The following GPATCH2 variants were observed in gnomAD, a reference collection of about 807,000 sequenced individuals.
GPATCH2 encodes the protein G patch domain-containing protein 2.
A neutral mutation model predicts 58.0 loss-of-function variants in GPATCH2; 51 were observed. The ratio of observed to expected loss-of-function variants is 0.88; its 90% CI spans 0.70 to 1.11. The LOEUF (loss-of-function observed/expected upper bound fraction) is 1.11. Ranked by LOEUF, GPATCH2 falls within the 50% of genes most tolerant of loss-of-function variation. The pLI is 0.00. For synonymous variants in GPATCH2, 222 were observed against 218.5 expected (o/e 1.02, Z -0.14); for missense variants, 625 against 652.2 (o/e 0.96, Z 0.45).
At chr1:217,442,011 T>C (rs1659167485) in intron 9 of GPATCH2, among the ~76,000 whole-genome samples, 2 of 152,174 alleles carry the variant, frequency 1.3e-5, no homozygotes. Context: ...CAAAGGAATA[T>C]AAATCATTCT....
intron 5 of GPATCH2, among the ~76,000 whole-genome samples, chr1:217,595,869 G>C (rs911715143): frequency 6.6e-6 from 1 of 152,052 alleles, no homozygotes. Flanking sequence ...CTATAAACGT[G>C]CTCCTTAGAA....
chr1:217,623,178 G>C (rs895466060), intron 1 of GPATCH2, among the ~76,000 whole-genome samples: 11 of 151,966 alleles, frequency 7.2e-5, no homozygotes, highest in Non-Finnish European at 1.5e-4. Flanking sequence ...TCTGGTTCTG[G>C]AGTAACTTAC....
intron 8 of GPATCH2, among the ~76,000 whole-genome samples, chr1:217,469,034 C>T (rs1660603163): frequency 1.3e-5 from 2 of 152,188 alleles, no homozygotes; most frequent in South Asian, 2.1e-4. Context: ...ATGAAAGAGA[C>T]TCTTCATAAT....
At chr1:217,599,133 G>T (rs1342202288) in intron 5 of GPATCH2, among the ~76,000 whole-genome samples, 2 of 152,142 alleles carry the variant, frequency 1.3e-5, no homozygotes, top group Admixed American at 6.5e-5. Context: ...AAGAGTGGGG[G>T]CACTGAGAAC....
chr1:217,555,347 A>C (rs1665568007), intron 5 of GPATCH2, among the ~76,000 whole-genome samples: 1 of 152,126 alleles, frequency 6.6e-6, no homozygotes. Context: ...TCTAAGTGGG[A>C]AGTTTCTGTC....
intron 5 of GPATCH2, among the ~76,000 whole-genome samples, chr1:217,545,315 T>G (rs1179252697): frequency 6.6e-6 from 1 of 152,182 alleles, no homozygotes; most frequent in South Asian, 2.1e-4. Context: ...GTTCCGTCAA[T>G]GGACAAGCAC....
chr1:217,602,631 C>A (rs1189666948), intron 5 of GPATCH2, among the ~76,000 whole-genome samples: 1 of 152,010 alleles, frequency 6.6e-6, no homozygotes, highest in Admixed American at 6.6e-5. Flanking sequence ...TGAAACAGAG[C>A]AAGCAAGCAG....
At chr1:217,443,698 CA>C (rs1327112270) in intron 9 of GPATCH2, among the ~76,000 whole-genome samples, 1 of 151,998 alleles carries the variant, frequency 6.6e-6, no homozygotes, top group Non-Finnish European at 1.5e-5. Context: ...TTTATATTTT[CA>C]ATCATTTTAT....
intron 8 of GPATCH2, among the ~76,000 whole-genome samples, chr1:217,476,235 A>AGTGTGT (rs60995546): frequency 0.018 from 2,648 of 146,370 alleles, 79 homozygotes; most frequent in African/African-American, 0.063. Flanking sequence ...TCCAGATATG[A>AGTGTGT]GTGTGTGTGT....
At chr1:217,593,980 A>C (rs934674721) in intron 5 of GPATCH2, among the ~76,000 whole-genome samples, 1 of 152,142 alleles carries the variant, frequency 6.6e-6, no homozygotes, top group Non-Finnish European at 1.5e-5. Flanking sequence ...ATGAATCTTA[A>C]GGAGTATGCA....
chr1:217,619,727 T>G, intron 2 of GPATCH2, 56 bp downstream of exon 2: 1 of 631,398 alleles, frequency 1.6e-6, no homozygotes, highest in Non-Finnish European at 2.6e-6. Context: ...ATATAAAACA[T>G]TCAACCACAA....
At chr1:217,470,150 A>T (rs775960647) in intron 8 of GPATCH2, among the ~76,000 whole-genome samples, 1 of 152,162 alleles carries the variant, frequency 6.6e-6, no homozygotes, top group Non-Finnish European at 1.5e-5. Context: ...TAATCACAGG[A>T]CCAATTTGGA....
chr1:217,498,170 C>G (rs759558947), intron 7 of GPATCH2, 186 bp downstream of exon 7: 6 of 696,998 alleles, frequency 8.6e-6, no homozygotes, highest in African/African-American at 3.5e-5. Flanking sequence ...AAAGAAAACT[C>G]TCATGCTGAT....
At chr1:217,613,008 G>C (rs1198249148) in intron 3 of GPATCH2, among the ~76,000 whole-genome samples, 1 of 152,010 alleles carries the variant, frequency 6.6e-6, no homozygotes, top group Middle Eastern at 3.4e-3. Flanking sequence ...AGATTGACAG[G>C]CTTGTCAAAG....
Position 217,430,919 on chromosome 1 carries a change from GGAAATTACT to G in GPATCH2, c.*217_*225del. 1.8e-6 allele frequency: 1 copy of G among 561,820 alleles called. No homozygotes were observed. The highest frequency in any genetic ancestry group is 3.2e-6 in the Non-Finnish European group (1 of 316,420). 34.8% of individuals were successfully genotyped at this position (561,820 alleles called of 1,614,324 possible). A position where few individuals can be genotyped will look rare whatever the true frequency, so the allele number is the denominator to read the frequency against. On this transcript the variant is annotated 3_prime_UTR_variant, in exon 10 of 10. Coordinates refer to ENST00000366935, the MANE Select transcript of GPATCH2 (RefSeq NM_018040.5). ...CTGCTCTTTATACCTAGAAATAGCT[GGAAATTACT>G]GAAAAAAATTAAAGTGCAGAGGTTT...
intron 5 of GPATCH2, among the ~76,000 whole-genome samples, chr1:217,521,358 C>CAAAAAAAAAAAAAAAA (rs35333815): frequency 3.0e-5 from 3 of 101,168 alleles, no homozygotes; most frequent in African/African-American, 1.3e-4. Flanking sequence ...AGGGAGACTG[C>CAAAAAAAAAAAAAAAA]AAAAAAAAAA....
intron 8 of GPATCH2, among the ~76,000 whole-genome samples, chr1:217,476,943 C>T (rs372477753): frequency 1.6e-3 from 247 of 152,158 alleles, no homozygotes; most frequent in African/African-American, 5.8e-3. Flanking sequence ...AACTCCAAGC[C>T]GCACAACTCA....
chr1:217,608,904 T>C (rs1668489548), intron 5 of GPATCH2: 2 of 982,586 alleles, frequency 2.0e-6, no homozygotes, highest in Non-Finnish European at 2.4e-6. Context: ...AGACAAGCAA[T>C]CTAAAAGAAG....
chr1:217,599,939 T>C (rs1040860703), intron 5 of GPATCH2, among the ~76,000 whole-genome samples: 4 of 152,100 alleles, frequency 2.6e-5, no homozygotes, highest in African/African-American at 9.7e-5. Context: ...GTTTCTAGAT[T>C]GAATACTTCA....
Sources: gnomAD v4.1 joint callset for allele counts (sites outside exome capture counted in the v4.1 genomes callset) on GRCh38, gnomAD v4.1.1 for gene constraint, MANE v1.5 for transcripts, NCBI Gene and HGNC (gene_info 2026-07-23, HGNC 2026-07-21) for gene names.